SORCS2: variants seen among roughly 807,000 people sequenced by gnomAD.
The protein encoded by SORCS2 is VPS10 domain-containing receptor SorCS2.
Under a neutral mutation model 141.6 loss-of-function variants are expected in SORCS2, and 100 were observed. The observed-to-expected ratio is 0.71, with a 90% CI of 0.60 to 0.83. The LOEUF (loss-of-function observed/expected upper bound fraction) is 0.83, where lower values mean the gene tolerates loss of function less well. Among genes scored for constraint, SORCS2 ranks in the 40% least tolerant of loss-of-function variants. The probability of loss-of-function intolerance (pLI) is 0.00; values close to 1 mark genes in which losing one functional copy is unlikely to be tolerated. For missense variants in SORCS2, 1,646 were observed against 1,560.2 expected (o/e 1.05, Z -0.93); for synonymous variants, 789 against 676.9 (o/e 1.17, Z -2.57).
At chr4:7,341,640 G>A (rs1720373712) in intron 1 of SORCS2, among the ~76,000 whole-genome samples, 1 of 152,172 alleles carries the variant, frequency 6.6e-6, no homozygotes, top group Non-Finnish European at 1.5e-5. Context: ...TTCCATGCAG[G>A]GCCAGGGACC....
chr4:7,328,009 C>T (rs975966471), intron 1 of SORCS2, among the ~76,000 whole-genome samples: 19 of 143,262 alleles, frequency 1.3e-4, no homozygotes, highest in African/African-American at 4.7e-4. Flanking sequence ...TGCTGAGCCT[C>T]GTGCTAGGCT....
At chr4:7,365,924 C>G (rs1263653731) in intron 1 of SORCS2, among the ~76,000 whole-genome samples, 4 of 152,176 alleles carry the variant, frequency 2.6e-5, no homozygotes, top group Admixed American at 1.3e-4. Flanking sequence ...GTCCCTGCCC[C>G]CTGTGAAAAC....
chr4:7,412,045 G>A lies in SORCS2; in HGVS notation c.548+15690G>A, dbSNP rs147088742. Among the ~76,000 whole-genome samples the A allele has an allele frequency of 3.2e-4, 48 of 152,360 alleles. No individual in the cohort carries two copies. The East Asian group carries it at 8.5e-3, about 27-fold the overall frequency. ...TGCAGCAGATGCCAGCCATCCTTCTGTAATCCTAGGCTGTGTGGCAGAAAT... is the reference window on the plus strand; with the variant it reads ...TGCAGCAGATGCCAGCCATCCTTCTATAATCCTAGGCTGTGTGGCAGAAAT... On this transcript the variant is annotated intron_variant, in intron 2 of 26. Transcript: ENST00000507866.
At chr4:7,644,104 A>G (rs1488659672) in intron 4 of SORCS2, among the ~76,000 whole-genome samples, 3 of 152,156 alleles carry the variant, frequency 2.0e-5, no homozygotes, top group Non-Finnish European at 4.4e-5. Flanking sequence ...TTGTTGGGAG[A>G]TAAGGGAGAG....
At chr4:7,387,811 CAG>C (rs56333427) in intron 1 of SORCS2, among the ~76,000 whole-genome samples, 2 of 150,072 alleles carry the variant, frequency 1.3e-5, no homozygotes, top group Non-Finnish European at 2.9e-5. Flanking sequence ...CATGCACACA[CAG>C]ATACAGAGAT....
At chr4:7,598,383 G>A (rs1249318983) in intron 3 of SORCS2, among the ~76,000 whole-genome samples, 1 of 152,184 alleles carries the variant, frequency 6.6e-6, no homozygotes, top group Non-Finnish European at 1.5e-5. Flanking sequence ...GGCTTCTGAG[G>A]GGCTCACCTT....
intron 2 of SORCS2, among the ~76,000 whole-genome samples, chr4:7,488,965 AC>A (rs1282396181): frequency 6.6e-6 from 1 of 152,224 alleles, no homozygotes; most frequent in Non-Finnish European, 1.5e-5. Flanking sequence ...AGCTACATTT[AC>A]GTATTCGTGC....
chr4:7,658,163 G>T (rs1721924943), intron 5 of SORCS2, among the ~76,000 whole-genome samples: 1 of 151,920 alleles, frequency 6.6e-6, no homozygotes. Flanking sequence ...GACTGAGTGG[G>T]TGAGTGAGTG....
chr4:7,328,908 C>T (rs1264162534), intron 1 of SORCS2, among the ~76,000 whole-genome samples: 1 of 152,202 alleles, frequency 6.6e-6, no homozygotes, highest in Admixed American at 6.5e-5. Context: ...TGGCAGTTAG[C>T]TCAGGGGAGG....
At chr4:7,265,513 GT>G in intron 1 of SORCS2, among the ~76,000 whole-genome samples, 1 of 152,054 alleles carries the variant, frequency 6.6e-6, no homozygotes, top group South Asian at 2.1e-4. Flanking sequence ...AAAGCAAGGT[GT>G]GGGCAGGGCT....
chr4:7,197,787 T>C (rs898601176), intron 1 of SORCS2, among the ~76,000 whole-genome samples: 2 of 151,680 alleles, frequency 1.3e-5, no homozygotes, highest in Admixed American at 6.6e-5. Flanking sequence ...CAGTGACGAG[T>C]GGTGGACATT....
chr4:7,616,586 G>C (rs898274438), intron 3 of SORCS2, among the ~76,000 whole-genome samples: 1 of 152,178 alleles, frequency 6.6e-6, no homozygotes, highest in Non-Finnish European at 1.5e-5. Flanking sequence ...ACCCTAAGGA[G>C]CCCCGATCTC....
intron 1 of SORCS2, among the ~76,000 whole-genome samples, chr4:7,276,246 G>T (rs2108850601): frequency 6.6e-6 from 1 of 152,230 alleles, no homozygotes; most frequent in South Asian, 2.1e-4. Context: ...GGGTGCTGCT[G>T]AGATGTCATG....
chr4:7,402,287 C>A (rs1724641208), intron 2 of SORCS2, among the ~76,000 whole-genome samples: 1 of 152,206 alleles, frequency 6.6e-6, no homozygotes, highest in South Asian at 2.1e-4. Flanking sequence ...CTGGAAGTAA[C>A]CTCTACCCTG....
intron 3 of SORCS2, among the ~76,000 whole-genome samples, chr4:7,591,139 A>G (rs374465065): frequency 1.3e-5 from 2 of 151,574 alleles, no homozygotes; most frequent in South Asian, 4.2e-4. Flanking sequence ...TCCTTAGCTC[A>G]CTCTTCCTGC....
chr4:7,445,769 G>C (rs746302621), intron 2 of SORCS2, among the ~76,000 whole-genome samples: 4 of 152,158 alleles, frequency 2.6e-5, no homozygotes, highest in Non-Finnish European at 5.9e-5. Flanking sequence ...AACCCTCCTG[G>C]GTTGCTGGGG....
intron 1 of SORCS2, among the ~76,000 whole-genome samples, chr4:7,376,814 C>T (rs1722686487): frequency 6.6e-6 from 1 of 152,140 alleles, no homozygotes. Flanking sequence ...CATATAGTGT[C>T]TAGAATTTCC....
chr4:7,320,603 A>T (rs774246784), intron 1 of SORCS2, among the ~76,000 whole-genome samples: 4 of 152,348 alleles, frequency 2.6e-5, no homozygotes, highest in Middle Eastern at 3.4e-3. Flanking sequence ...AAACACAGCC[A>T]CACGTCTGGA....
chr4:7,351,020 C>G (rs562527237), intron 1 of SORCS2, among the ~76,000 whole-genome samples: 63 of 152,286 alleles, frequency 4.1e-4, no homozygotes, highest in African/African-American at 1.4e-3. Context: ...GTTTACAAAC[C>G]AGGCTGCCCA....
Sources: gnomAD v4.1 joint callset for allele counts (sites outside exome capture counted in the v4.1 genomes callset) on GRCh38, gnomAD v4.1.1 for gene constraint, MANE v1.5 for transcripts, NCBI Gene and HGNC (gene_info 2026-07-23, HGNC 2026-07-21) for gene names.